The following CXCL11 variants were observed in gnomAD, a reference collection of about 807,000 sequenced individuals.
CXCL11 encodes C-X-C motif chemokine ligand 11, also known as C-X-C motif chemokine 11.
In CXCL11, 7 loss-of-function variants were observed where a neutral mutation model predicts 9.7. That is an observed-to-expected ratio of 0.72 (90% confidence interval 0.41 to 1.36). The LOEUF (loss-of-function observed/expected upper bound fraction) is 1.36, where lower values mean the gene tolerates loss of function less well. Among genes scored for constraint, CXCL11 ranks in the 40% most tolerant of loss-of-function variants. The pLI, the probability that CXCL11 is intolerant of heterozygous loss-of-function variation, is 0.01. For missense variants in CXCL11, 107 were observed against 113.4 expected, an observed-to-expected ratio of 0.94 and a Z score of 0.26; for synonymous variants, 35 against 34.4, an observed-to-expected ratio of 1.02 and a Z score of -0.06.
intron 1 of CXCL11, among the ~76,000 whole-genome samples, chr4:76,035,643 C>T (rs1471699816): frequency 1.3e-5 from 2 of 152,158 alleles, no homozygotes; most frequent in African/African-American, 2.4e-5. Flanking sequence ...TTAACATGAT[C>T]GCTATATAAA....
In CXCL11 at chr4:76,035,123, T is replaced by C. The variant is rs761945223; in HGVS notation, c.189-4A>G. On this transcript the variant is annotated splice_polypyrimidine_tract_variant and splice_region_variant and intron_variant, in intron 2 of 3. Coordinates refer to ENST00000306621, the MANE Select transcript of CXCL11 (RefSeq NM_005409.5). ...TTTATTTTCTTTCAGGGTAATACTGTTAAAAGAACATACAAGAGTCTTAAA... is the reference window on the plus strand; with the variant it reads ...TTTATTTTCTTTCAGGGTAATACTGCTAAAAGAACATACAAGAGTCTTAAA... The C allele has an allele frequency of 6.4e-7, 1 of 1,566,002 alleles. No individual in the cohort carries two copies. The highest frequency in any genetic ancestry group is 1.9e-5 in the Admixed American group (1 of 53,138).
chr4:76,034,550 T>A lies in CXCL11; in HGVS notation c.*243A>T. 1 of 519,660 alleles carries A rather than the reference T, an allele frequency of 1.9e-6. No homozygotes were observed. The highest frequency in any genetic ancestry group is 3.3e-6 in the Non-Finnish European group (1 of 300,036). The allele number at this position is 519,660 out of a possible 1,614,324, so 32.2% of individuals were successfully genotyped here. A position where few individuals can be genotyped will look rare whatever the true frequency, so the allele number is the denominator to read the frequency against. ...TAGCTTTTCCTAGAAATCCATTTAATTGTTGGACTCCTTTGGGCAGTGGAA... is the reference window on the plus strand; with the variant it reads ...TAGCTTTTCCTAGAAATCCATTTAAATGTTGGACTCCTTTGGGCAGTGGAA... On this transcript the variant is annotated 3_prime_UTR_variant, in exon 4 of 4. Coordinates refer to ENST00000306621, the MANE Select transcript of CXCL11 (RefSeq NM_005409.5).
chr4:76,034,676 A>T lies in CXCL11; in HGVS notation c.*117T>A. The T allele has an allele frequency of 1.2e-6, 1 of 849,762 alleles. No individual in the cohort carries two copies. Among genetic ancestry groups the T allele is most frequent in the Non-Finnish European group, 1.9e-6 (1 of 534,422 alleles). The allele number at this position is 849,762 out of a possible 1,614,324, so 52.6% of individuals were successfully genotyped here. A position where few individuals can be genotyped will look rare whatever the true frequency, so the allele number is the denominator to read the frequency against. ...CTGTACAAAAGTTGAAAGTCACAAA[A>T]CCATAGAAAAGTCTCAGTTTCCTAC... On this transcript the variant is annotated 3_prime_UTR_variant, in exon 4 of 4. Transcript: ENST00000306621.
rs1734159896 is a variant in CXCL11 at position 76,034,456 on chromosome 4, T to C, written c.*337A>G. The stretch of plus-strand genomic sequence containing the variant: ...GTTCTCTAGCCTAGAAATGCATGAA[T>C]GTATAATGCAACAAGTAAGAACGTG... On this transcript the variant is annotated 3_prime_UTR_variant, in exon 4 of 4. Transcript: ENST00000306621. 4.0e-6 allele frequency: 2 copies of C among 499,348 alleles called. No homozygotes were observed. Among genetic ancestry groups the C allele is most frequent in the Non-Finnish European group, 6.9e-6 (2 of 289,698 alleles). The allele number at this position is 499,348 out of a possible 1,614,324, so 30.9% of individuals were successfully genotyped here. A position where few individuals can be genotyped will look rare whatever the true frequency, so the allele number is the denominator to read the frequency against.
rs996309325 is a variant in CXCL11, at chr4:76,034,417, A to G, written c.*376T>C. On this transcript the variant is annotated 3_prime_UTR_variant, in exon 4 of 4. Coordinates refer to ENST00000306621, the MANE Select transcript of CXCL11 (RefSeq NM_005409.5). Reference sequence around the variant, plus strand: ...TAGTCACAACAGAATAGTTGTAAGCATCAAATCTAGAAGGTTCTCTAGCCT... The same window carrying G: ...TAGTCACAACAGAATAGTTGTAAGCGTCAAATCTAGAAGGTTCTCTAGCCT... 5 of 471,202 alleles carry G rather than the reference A, an allele frequency of 1.1e-5. No individual in the cohort carries two copies. The highest frequency in any genetic ancestry group is 1.8e-5 in the Non-Finnish European group (5 of 274,050). 29.2% of individuals were successfully genotyped at this position (471,202 alleles called of 1,614,324 possible). A position where few individuals can be genotyped will look rare whatever the true frequency, so the allele number is the denominator to read the frequency against.
At chr4:76,035,669 A>G (rs1002583636) in intron 1 of CXCL11, among the ~76,000 whole-genome samples, 2 of 152,230 alleles carry the variant, frequency 1.3e-5, no homozygotes, top group Non-Finnish European at 2.9e-5. Flanking sequence ...CTTAACAGAC[A>G]TTTAAAACTG....
rs1334862482 is a variant in CXCL11 at position 76,033,799 on chromosome 4, A to G, written c.*994T>C. 1 of 152,222 alleles carries G rather than the reference A, an allele frequency of 6.6e-6. No homozygotes were observed. Among genetic ancestry groups the G allele is most frequent in the African/African-American group, 2.4e-5 (1 of 41,460 alleles). The allele number at this position is 152,222 out of a possible 1,614,324, so 9.4% of individuals were successfully genotyped here. ...TATATAGGCATGAACAAAGAAATTG[A>G]TTAGATTATGTATTTTTCTAAGAGA... On this transcript the variant is annotated 3_prime_UTR_variant, in exon 4 of 4. Coordinates refer to ENST00000306621, the MANE Select transcript of CXCL11 (RefSeq NM_005409.5).
chr4:76,034,878 A>G, intron 3 of CXCL11, 62 bp from the exon 4 acceptor site: 1 of 1,463,784 alleles, frequency 6.8e-7, no homozygotes. Context: ...CAGGACATCT[A>G]AAAACATGTA....
In CXCL11 at chr4:76,035,977, T is replaced by A. The variant is rs1440257563; in HGVS notation, c.11A>T (p.Lys4Met). MSV[K>M]GMAIALAVIL... is the part of the protein sequence containing the mutation. ...CACAGCCAAGGCTATAGCCATGCCC[T>A]TCACACTCATGTTTGTTTTTTGCTG... Residue 4 changes from lysine (K) to methionine (M), a missense_variant, in exon 1 of 4, where the codon AAG becomes ATG. By Grantham distance (95) the Lys-to-Met change is moderately conservative. Transcript: ENST00000306621. The A allele has an allele frequency of 4.3e-6, 7 of 1,613,810 alleles. No individual in the cohort carries two copies. The highest frequency in any genetic ancestry group is 4.0e-5 in the African/African-American group (3 of 75,066).
chr4:76,035,248 G>A lies in CXCL11; in HGVS notation c.156C>T (p.Tyr52=). The part of the protein sequence containing the change: ...VADIEKASIM[Y]PSNNCDKIEV... ...CTATTTTGTCACAGTTGTTACTTGG[G>A]TACATTATGGAGGCTTTCTCAATAT... is the stretch of plus-strand genomic sequence containing the variant. Residue 52 remains tyrosine, a synonymous_variant, in exon 2 of 4, where the codon TAC becomes TAT. Coordinates refer to ENST00000306621, the MANE Select transcript of CXCL11 (RefSeq NM_005409.5). 1 of 1,614,024 alleles carries A rather than the reference G, an allele frequency of 6.2e-7. No individual in the cohort carries two copies. The highest frequency in any genetic ancestry group is 8.5e-7 in the Non-Finnish European group (1 of 1,179,936).
rs1053260286 is a variant in CXCL11, at chr4:76,035,356, T to C, written c.62-14A>G. ...ACATGGGGAAGCCTAGAATAGATCA[T>C]AGCATTAGTTAGTAATGCATCTGAT... On this transcript the variant is annotated splice_polypyrimidine_tract_variant and intron_variant, in intron 1 of 3. Transcript: ENST00000306621. The C allele has an allele frequency of 1.2e-6, 2 of 1,612,544 alleles. No homozygotes were observed. The highest frequency in any genetic ancestry group is 1.7e-6 in the Non-Finnish European group (2 of 1,179,316).
intron 2 of CXCL11, 45 bp from the exon 3 acceptor site, chr4:76,035,164 C>T (rs1353152453): frequency 6.2e-7 from 1 of 1,612,956 alleles, no homozygotes; most frequent in South Asian, 1.1e-5. Context: ...GATGCAAATA[C>T]ATAAACAAAA....
rs1734262454 is a variant in CXCL11, at chr4:76,035,236, G to A, written c.168C>T (p.Asn56=). Residue 56 remains asparagine (N), a synonymous_variant, in exon 2 of 4, where the codon AAC becomes AAT. Transcript: ENST00000306621. ...EKASIMYPSN[N]CDKIEVIITL... is the part of the protein sequence containing the mutation. ...CTTACATCACTTCTATTTTGTCACA[G>A]TTGTTACTTGGGTACATTATGGAGG... 6.2e-7 allele frequency: 1 copy of A among 1,614,098 alleles called. No individual in the cohort carries two copies. The highest frequency in any genetic ancestry group is 8.5e-7 in the Non-Finnish European group (1 of 1,179,944).
intron 1 of CXCL11, 133 bp from the exon 2 acceptor site, chr4:76,035,475 C>T (rs1310220091): frequency 6.0e-6 from 5 of 837,988 alleles, no homozygotes; most frequent in Non-Finnish European, 9.1e-6. Context: ...GCACTTAACA[C>T]AACTGTTACT....
Position 76,034,729 on chromosome 4 carries a change from A to G in CXCL11, c.*64T>C. On this transcript the variant is annotated 3_prime_UTR_variant, in exon 4 of 4. Coordinates refer to ENST00000306621, the MANE Select transcript of CXCL11 (RefSeq NM_005409.5). Reference sequence around the variant, plus strand: ...TAGAATTCTTGTCATTTCAGTAGTCACAGTTAAACTTGTTCTAGGTTTTTC... The same window carrying G: ...TAGAATTCTTGTCATTTCAGTAGTCGCAGTTAAACTTGTTCTAGGTTTTTC... The G allele has an allele frequency of 8.4e-7, 1 of 1,186,560 alleles. No individual in the cohort carries two copies. The highest frequency in any genetic ancestry group is 1.2e-6 in the Non-Finnish European group (1 of 814,244). The allele number at this position is 1,186,560 out of a possible 1,614,324, so 73.5% of individuals were successfully genotyped here.
intron 1 of CXCL11, 62 bp from the exon 2 acceptor site, chr4:76,035,404 TA>T: frequency 6.4e-7 from 1 of 1,557,162 alleles, no homozygotes; most frequent in Non-Finnish European, 8.8e-7. Context: ...CTGTGGTTTA[TA>T]GCTGGTGGTG....
chr4:76,035,415 G>A, intron 1 of CXCL11, 73 bp from the exon 2 acceptor site: 1 of 1,486,676 alleles, frequency 6.7e-7, no homozygotes, highest in South Asian at 1.2e-5. Flanking sequence ...AGCTGGTGGT[G>A]AACGTGAGCA....
intron 3 of CXCL11, 35 bp downstream of exon 3, chr4:76,035,012 A>G: frequency 6.4e-7 from 1 of 1,561,020 alleles, no homozygotes; most frequent in Non-Finnish European, 8.8e-7. Flanking sequence ...CTTGGATAAA[A>G]CAGATTATAA....
At position 76,035,916 on chromosome 4, in the gene CXCL11, T is replaced by C; in HGVS notation, c.61+11A>G. 1 of 1,610,682 alleles carries C rather than the reference T, an allele frequency of 6.2e-7. No homozygotes were observed. Among genetic ancestry groups the C allele is most frequent in the Non-Finnish European group, 8.5e-7 (1 of 1,178,238 alleles). ...GAACTTATAGGTTGAGAAATAAAAA[T>C]TACTGCATACCTTGAACAACTGTAG... On this transcript the variant is annotated intron_variant, in intron 1 of 3. Coordinates refer to ENST00000306621, the MANE Select transcript of CXCL11 (RefSeq NM_005409.5).
Sources: gnomAD v4.1 joint callset for allele counts (sites outside exome capture counted in the v4.1 genomes callset) on GRCh38, gnomAD v4.1.1 for gene constraint, MANE v1.5 for transcripts, NCBI Gene and HGNC (gene_info 2026-07-23, HGNC 2026-07-21) for gene names.